Variants in PTPRT observed in about 807,000 individuals in gnomAD.
The protein encoded by PTPRT is protein tyrosine phosphatase receptor type T, also known as receptor-type tyrosine-protein phosphatase T.
PTPRT carries 56 observed loss-of-function variants against 176.8 expected under a neutral mutation model. The ratio of observed to expected loss-of-function variants is 0.32; its 90% CI spans 0.26 to 0.40. The LOEUF (loss-of-function observed/expected upper bound fraction) is 0.40, where lower values mean the gene tolerates loss of function less well. Ranked by LOEUF, PTPRT falls within the 10% of genes least tolerant of loss-of-function variation. PTPRT has a pLI of 1.00. For missense variants in PTPRT, 1,540 were observed against 1,908.2 expected, an observed-to-expected ratio of 0.81 and a Z score of 3.60; for synonymous variants, 783 against 739.0, an observed-to-expected ratio of 1.06 and a Z score of -0.96.
At chr20:42,284,500 T>C (rs547583726) in intron 12 of PTPRT, among the ~76,000 whole-genome samples, 2 of 152,194 alleles carry the variant, frequency 1.3e-5, no homozygotes, top group South Asian at 4.1e-4. Flanking sequence ...AGATCATTAA[T>C]ATAAGTAACA....
At chr20:42,439,189 T>C (rs2059290013) in intron 9 of PTPRT, among the ~76,000 whole-genome samples, 1 of 152,164 alleles carries the variant, frequency 6.6e-6, no homozygotes, top group South Asian at 2.1e-4. Context: ...AACAAATGGC[T>C]CCTAGACATC....
At chr20:42,299,254 A>G (rs2057426593) in intron 12 of PTPRT, among the ~76,000 whole-genome samples, 1 of 152,212 alleles carries the variant, frequency 6.6e-6, no homozygotes, top group African/African-American at 2.4e-5. Context: ...ATATTAAGAA[A>G]TCAACAGGGA....
chr20:42,647,979 T>C (rs980792191), intron 7 of PTPRT, among the ~76,000 whole-genome samples: 6 of 151,972 alleles, frequency 3.9e-5, no homozygotes, highest in African/African-American at 1.5e-4. Flanking sequence ...CTACTCAAGA[T>C]GGCAACCAAG....
At chr20:42,614,205 A>T (rs766232090) in intron 7 of PTPRT, among the ~76,000 whole-genome samples, 2 of 151,976 alleles carry the variant, frequency 1.3e-5, no homozygotes, top group Admixed American at 6.6e-5. Context: ...TTCACATAGC[A>T]TTCTCCCCAA....
intron 7 of PTPRT, among the ~76,000 whole-genome samples, chr20:42,604,852 G>A (rs1415972029): frequency 6.6e-6 from 1 of 152,210 alleles, no homozygotes; most frequent in Admixed American, 6.5e-5. Context: ...CATGATAGGG[G>A]CCTGCCCAGT....
At position 42,104,708 on chromosome 20, in the gene PTPRT, A is replaced by T. The variant is rs375491453; in HGVS notation, c.3401T>A (p.Val1134Glu). 38 of 1,581,906 alleles carry T rather than the reference A, an allele frequency of 2.4e-5. No homozygotes were observed. The highest frequency in any genetic ancestry group is 3.3e-5 in the Non-Finnish European group (38 of 1,150,524). ...TTCCAGGATGGCATCGTGCACAAAC[A>T]CATATTGCTCCTGCAAAGTCAGAAG... is the stretch of plus-strand genomic sequence containing the variant. ...VNLVQTEEQY[V>E]FVHDAILEAC... The change falls in exon 25 of 31, where the codon GTG becomes GAG. Residue 1134 changes from valine to glutamate, a missense_variant. Transcript: ENST00000373187.
rs6072656 is a variant in PTPRT, at chr20:42,207,046, A to C, written c.2343-7658T>G. Among the ~76,000 whole-genome samples, 464 of 152,024 alleles carry C rather than the reference A, an allele frequency of 3.1e-3. 1 individual carries two copies. The highest frequency in any genetic ancestry group is 9.2e-3 in the African/African-American group (380 of 41,422). On this transcript the variant is annotated intron_variant, in intron 15 of 30. Coordinates refer to ENST00000373187, the MANE Select transcript of PTPRT (RefSeq NM_007050.6). ...AGCAGGGGCACACTGACACCTCACAAGGCAGGGTATTCCAACAGACCTGCA... is the reference window on the plus strand; with the variant it reads ...AGCAGGGGCACACTGACACCTCACACGGCAGGGTATTCCAACAGACCTGCA...
At chr20:42,142,672 G>A (rs539526266) in intron 17 of PTPRT, among the ~76,000 whole-genome samples, 60 of 152,092 alleles carry the variant, frequency 3.9e-4, no homozygotes, top group Non-Finnish European at 8.1e-4. Context: ...ACATACCTAT[G>A]ATAAAGTTCA....
intron 13 of PTPRT, among the ~76,000 whole-genome samples, chr20:42,252,374 G>T (rs986977514): frequency 6.6e-6 from 1 of 152,154 alleles, no homozygotes; most frequent in South Asian, 2.1e-4. Flanking sequence ...TATTTGAAGC[G>T]TGGGGGCCTG....
At chr20:42,944,706 T>C (rs564278693) in intron 1 of PTPRT, among the ~76,000 whole-genome samples, 45 of 152,324 alleles carry the variant, frequency 3.0e-4, no homozygotes, top group African/African-American at 1.1e-3. Flanking sequence ...GGTCTCAGTT[T>C]ACATATCGTC....
At chr20:42,637,736 A>G (rs2074638771) in intron 7 of PTPRT, among the ~76,000 whole-genome samples, 1 of 152,130 alleles carries the variant, frequency 6.6e-6, no homozygotes, top group African/African-American at 2.4e-5. Context: ...AGTGCATAAG[A>G]AAGTATCTGA....
chr20:42,591,463 C>T (rs1732287010), intron 7 of PTPRT, among the ~76,000 whole-genome samples: 1 of 152,180 alleles, frequency 6.6e-6, no homozygotes, highest in Admixed American at 6.5e-5. Flanking sequence ...TACAGAAACT[C>T]TCACTAAGAT....
At chr20:42,640,169 A>G (rs2074707973) in intron 7 of PTPRT, among the ~76,000 whole-genome samples, 1 of 152,152 alleles carries the variant, frequency 6.6e-6, no homozygotes, top group African/African-American at 2.4e-5. Flanking sequence ...ACCTTGTGTT[A>G]CTTGAACCAA....
chr20:43,148,210 C>CCT (rs1475480998), intron 1 of PTPRT, among the ~76,000 whole-genome samples: 8 of 152,276 alleles, frequency 5.3e-5, no homozygotes, highest in African/African-American at 1.9e-4. Context: ...TCTGCATATC[C>CCT]TCATATTAAA....
chr20:42,389,168 C>CAT (rs2058774990), intron 9 of PTPRT, among the ~76,000 whole-genome samples: 1 of 151,628 alleles, frequency 6.6e-6, no homozygotes, highest in Non-Finnish European at 1.5e-5. Context: ...GGAGATATAT[C>CAT]TAATGTAAAT....
At position 42,106,947 on chromosome 20, in the gene PTPRT, AAGG is replaced by A. The variant is rs759501749; in HGVS notation, c.3255-29_3255-27del. 1.9e-6 allele frequency: 3 copies of A among 1,607,986 alleles called. No individual in the cohort carries two copies. The South Asian group carries it at 3.3e-5, about 18-fold the overall frequency. ...CTGGAAGAGAGGTATGGTCTGTGTT[AAGG>A]ATCTTCATGGGGGGAACCTGCCCTG... On this transcript the variant is annotated intron_variant, in intron 23 of 30. Coordinates refer to ENST00000373187, the MANE Select transcript of PTPRT (RefSeq NM_007050.6).
intron 1 of PTPRT, among the ~76,000 whole-genome samples, chr20:43,026,908 T>C (rs1985936382): frequency 6.6e-6 from 1 of 152,322 alleles, no homozygotes; most frequent in South Asian, 2.1e-4. Context: ...GGTATCTCAT[T>C]CTTTTTTATG....
intron 7 of PTPRT, among the ~76,000 whole-genome samples, chr20:42,650,693 G>A (rs1157803185): frequency 6.6e-6 from 1 of 152,102 alleles, no homozygotes; most frequent in Non-Finnish European, 1.5e-5. Context: ...ATAAAGCAGA[G>A]GTCATCTCCT....
intron 12 of PTPRT, among the ~76,000 whole-genome samples, chr20:42,300,347 A>G (rs996867767): frequency 2.0e-5 from 3 of 151,712 alleles, no homozygotes; most frequent in Non-Finnish European, 4.4e-5. Context: ...AATCAGTGGT[A>G]CTCACTAACA....
Sources: allele counts gnomAD v4.1 joint callset (sites outside exome capture counted in the v4.1 genomes callset), GRCh38; gene constraint gnomAD v4.1.1; transcripts MANE v1.5; gene names NCBI Gene and HGNC (gene_info 2026-07-23, HGNC 2026-07-21).